MAP7: variants seen among roughly 807,000 people sequenced by gnomAD.
MAP7 encodes the protein ensconsin.
MAP7 carries 52 observed loss-of-function variants against 94.8 expected under a neutral mutation model. The ratio of observed to expected loss-of-function variants is 0.55; its 90% CI spans 0.44 to 0.69. The LOEUF (loss-of-function observed/expected upper bound fraction) is 0.69, where lower values mean the gene tolerates loss of function less well. Ranked by LOEUF, MAP7 falls within the 30% of genes least tolerant of loss-of-function variation. The pLI is 0.00. For synonymous variants in MAP7, 350 were observed against 357.0 expected, an observed-to-expected ratio of 0.98 and a Z score of 0.22; for missense variants, 940 against 964.6, an observed-to-expected ratio of 0.97 and a Z score of 0.34.
Position 136,493,701 on chromosome 6 carries a change from A to G in MAP7, c.67+56641T>C, listed in dbSNP as rs559156589. On this transcript the variant is annotated intron_variant, in intron 1 of 17. Coordinates refer to ENST00000354570, the MANE Select transcript of MAP7 (RefSeq NM_003980.6). ...TTTTGCAAAGTAATTCCTATGAAAC[A>G]TGTTGAAAAACCCATACCGAGAGCA... Among the ~76,000 whole-genome samples, 10 of 152,210 alleles carry G rather than the reference A, an allele frequency of 6.6e-5. No homozygotes were observed. In the South Asian group the frequency reaches 2.1e-3, roughly 31 times the overall value.
At chr6:136,525,790 G>A (rs1827647459) in intron 1 of MAP7, 1 of 1,519,388 alleles carries the variant, frequency 6.6e-7, no homozygotes, top group African/African-American at 1.4e-5. Context: ...GGGAGACAAG[G>A]GCTGGATCTG....
chr6:136,490,498 A>AC (rs11373811), intron 1 of MAP7, among the ~76,000 whole-genome samples: 40,823 of 152,064 alleles, frequency 0.27, 7,021 homozygotes, highest in African/African-American at 0.48. Context: ...AATTCAAGCC[A>AC]CAAAGGATCT....
At position 136,455,717 on chromosome 6, in the gene MAP7, C is replaced by A. The variant is rs145889116; in HGVS notation, c.68-33918G>T. ...TAACCAATGAATGGGTCTTTAACAA[C>A]CAACAAATGGGTCTGAATATGTTAC... On this transcript the variant is annotated intron_variant, in intron 1 of 17. Coordinates refer to ENST00000354570, the MANE Select transcript of MAP7 (RefSeq NM_003980.6). 2.0e-3 allele frequency among the ~76,000 whole-genome samples: 300 copies of A among 152,146 alleles called. 1 individual carries two copies. Among genetic ancestry groups the A allele is most frequent in the African/African-American group, 6.6e-3 (273 of 41,518 alleles).
intron 1 of MAP7, among the ~76,000 whole-genome samples, chr6:136,425,196 A>C (rs1295169738): frequency 6.6e-6 from 1 of 152,218 alleles, no homozygotes; most frequent in African/African-American, 2.4e-5. Context: ...GAACAGCATA[A>C]AATTTATGAA....
At chr6:136,516,902 C>T (rs1335330163) in intron 1 of MAP7, among the ~76,000 whole-genome samples, 1 of 151,752 alleles carries the variant, frequency 6.6e-6, no homozygotes, top group Non-Finnish European at 1.5e-5. Context: ...TAGGACATTG[C>T]CATCAAGCAA....
intron 6 of MAP7, among the ~76,000 whole-genome samples, chr6:136,379,830 A>G (rs1299880192): frequency 1.3e-5 from 2 of 152,268 alleles, no homozygotes; most frequent in African/African-American, 4.8e-5. Flanking sequence ...AAGCAAATCC[A>G]GAGAGATCTG....
intron 1 of MAP7, among the ~76,000 whole-genome samples, chr6:136,477,946 A>G (rs1811467532): frequency 6.6e-6 from 1 of 152,222 alleles, no homozygotes; most frequent in African/African-American, 2.4e-5. Context: ...ATAATTAAAT[A>G]ATATCAAGGA....
At chr6:136,482,899 T>C (rs1272951932) in intron 1 of MAP7, among the ~76,000 whole-genome samples, 1 of 152,138 alleles carries the variant, frequency 6.6e-6, no homozygotes, top group Admixed American at 6.5e-5. Flanking sequence ...AAAATATATA[T>C]TCCATTTTGC....
At chr6:136,445,886 C>G (rs1799179555) in intron 1 of MAP7, among the ~76,000 whole-genome samples, 1 of 152,242 alleles carries the variant, frequency 6.6e-6, no homozygotes, top group African/African-American at 2.4e-5. Context: ...CTCCTGTCCT[C>G]TCACAACACA....
At chr6:136,354,552 T>C (rs1790317066) in intron 16 of MAP7, among the ~76,000 whole-genome samples, 1 of 150,990 alleles carries the variant, frequency 6.6e-6, no homozygotes, top group Non-Finnish European at 1.5e-5. Context: ...ATTAGGCTTA[T>C]TCTTATATTC....
At chr6:136,492,351 G>A (rs1308029165) in intron 1 of MAP7, among the ~76,000 whole-genome samples, 1 of 152,138 alleles carries the variant, frequency 6.6e-6, no homozygotes, top group Non-Finnish European at 1.5e-5. Context: ...TGACTATTAA[G>A]TATTTTTGAA....
intron 3 of MAP7, among the ~76,000 whole-genome samples, chr6:136,400,059 C>T (rs762896618): frequency 1.4e-4 from 22 of 151,968 alleles, no homozygotes; most frequent in Non-Finnish European, 2.6e-4. Context: ...ATCAAACCAA[C>T]CCCTACCTCT....
chr6:136,480,388 C>T (rs9385760), intron 1 of MAP7, among the ~76,000 whole-genome samples: 2 of 151,886 alleles, frequency 1.3e-5, no homozygotes, highest in Non-Finnish European at 2.9e-5. Context: ...AACTATGAAA[C>T]TACTAAAAGA....
chr6:136,363,105 C>T (rs1162357827), intron 10 of MAP7, among the ~76,000 whole-genome samples: 2 of 152,222 alleles, frequency 1.3e-5, no homozygotes, highest in Non-Finnish European at 2.9e-5. Context: ...ATTACTAGAG[C>T]AGCATCCTCA....
chr6:136,382,068 C>T (rs1400330370), intron 6 of MAP7, among the ~76,000 whole-genome samples: 2 of 152,076 alleles, frequency 1.3e-5, no homozygotes, highest in African/African-American at 2.4e-5. Flanking sequence ...AAGAGAGGCT[C>T]GCAACCTCTT....
chr6:136,499,507 T>C (rs949224382), intron 1 of MAP7, among the ~76,000 whole-genome samples: 2 of 152,040 alleles, frequency 1.3e-5, no homozygotes, highest in Non-Finnish European at 2.9e-5. Context: ...CTGAAGCCAA[T>C]GCAGAGCCCT....
intron 1 of MAP7, among the ~76,000 whole-genome samples, chr6:136,441,807 G>T (rs1039853811): frequency 6.6e-6 from 1 of 152,146 alleles, no homozygotes; most frequent in African/African-American, 2.4e-5. Context: ...TTGAACCCAG[G>T]AATTGTAGAT....
At chr6:136,378,716 A>G (rs952823278) in intron 6 of MAP7, among the ~76,000 whole-genome samples, 1 of 152,360 alleles carries the variant, frequency 6.6e-6, no homozygotes, top group Non-Finnish European at 1.5e-5. Context: ...TAGTCAGGAC[A>G]TGTATGCCAA....
At chr6:136,401,140 G>T (rs1361891495) in intron 3 of MAP7, among the ~76,000 whole-genome samples, 1 of 152,152 alleles carries the variant, frequency 6.6e-6, no homozygotes, top group Non-Finnish European at 1.5e-5. Flanking sequence ...CTTGAGCTCA[G>T]GAGTTTGAGA....
Sources: allele counts gnomAD v4.1 joint callset (sites outside exome capture counted in the v4.1 genomes callset), GRCh38; gene constraint gnomAD v4.1.1; transcripts MANE v1.5; gene names NCBI Gene and HGNC (gene_info 2026-07-23, HGNC 2026-07-21).